Variants in FGD4 observed in about 807,000 individuals in gnomAD.
The protein encoded by FGD4 is FYVE, RhoGEF and PH domain containing 4.
In FGD4, 42 loss-of-function variants were observed where a neutral mutation model predicts 102.0. That is an observed-to-expected ratio of 0.41 (90% CI 0.32 to 0.53). The LOEUF (loss-of-function observed/expected upper bound fraction) is 0.53. Among genes scored for constraint, FGD4 ranks in the 20% least tolerant of loss-of-function variants. The pLI is 0.21. For synonymous variants in FGD4, 380 were observed against 375.7 expected (o/e 1.01, Z -0.13); for missense variants, 902 against 1,078.2 (o/e 0.84, Z 2.29).
In FGD4 at chr12:32,640,662, C is replaced by A; in HGVS notation, c.*129C>A. 8.0e-7 allele frequency: 1 copy of A among 1,255,012 alleles called. No individual in the cohort carries two copies. Among genetic ancestry groups the A allele is most frequent in the Non-Finnish European group, 1.1e-6 (1 of 887,564 alleles). The allele number at this position is 1,255,012 out of a possible 1,614,324, so 77.7% of individuals were successfully genotyped here. On this transcript the variant is annotated 3_prime_UTR_variant, in exon 17 of 17. Coordinates refer to ENST00000534526, the MANE Select transcript of FGD4 (RefSeq NM_001370298.3). ...GGCCCATAAATGCATCTTTTGAGGA[C>A]TATTTTCCTATGTTTATGTACTCTT...
chr12:32,534,389 AGGAGTG>A, intron 1 of FGD4: 1 of 1,491,876 alleles, frequency 6.7e-7, no homozygotes, highest in Non-Finnish European at 8.9e-7. Context: ...CTTTACAGCC[AGGAGTG>A]AGATTTTATC....
chr12:32,560,321 G>T (rs141632595), intron 1 of FGD4, among the ~76,000 whole-genome samples: 1 of 152,026 alleles, frequency 6.6e-6, no homozygotes, highest in African/African-American at 2.4e-5. Context: ...GTGTGATCAC[G>T]GCTCACTGTG....
intron 1 of FGD4, among the ~76,000 whole-genome samples, chr12:32,498,773 T>C (rs1937981287): frequency 6.6e-6 from 1 of 152,154 alleles, no homozygotes; most frequent in South Asian, 2.1e-4. Context: ...CAGCTAATTT[T>C]TGTATTTTTA....
chr12:32,514,915 C>A (rs1052869768), intron 1 of FGD4, among the ~76,000 whole-genome samples: 2 of 152,010 alleles, frequency 1.3e-5, no homozygotes. Context: ...GGGGTTTTCA[C>A]CATGTTGCCC....
rs1565717029 is a variant in FGD4, at chr12:32,399,760, G to GAGGAGTCGGGGAGCGGC, written c.-33_-17dup. 7.2e-6 allele frequency: 11 copies of GAGGAGTCGGGGAGCGGC among 1,526,200 alleles called. No individual in the cohort carries two copies. Among genetic ancestry groups the GAGGAGTCGGGGAGCGGC allele is most frequent in the African/African-American group, 1.4e-5 (1 of 71,264 alleles). 94.5% of individuals were successfully genotyped at this position (1,526,200 alleles called of 1,614,324 possible). On this transcript the variant is annotated 5_prime_UTR_variant, in exon 1 of 17. Coordinates refer to ENST00000534526, the MANE Select transcript of FGD4 (RefSeq NM_001370298.3). ...GCCGCTCGCGGCTGGACGGGAGCGG[G>GAGGAGTCGGGGAGCGGC]AGGAGTCGGGGAGCGGCGGTCGAGC...
chr12:32,480,409 A>G (rs1217835263), intron 1 of FGD4, among the ~76,000 whole-genome samples: 12 of 149,712 alleles, frequency 8.0e-5, no homozygotes, highest in Admixed American at 8.0e-4. Flanking sequence ...TGATCCGCCC[A>G]CTTCGGCCTC....
At chr12:32,565,841 A>G (rs1945145014) in intron 2 of FGD4, among the ~76,000 whole-genome samples, 1 of 152,208 alleles carries the variant, frequency 6.6e-6, no homozygotes. Context: ...TTTTCTAACT[A>G]AAGGGAATAT....
chr12:32,421,258 A>T (rs1215088748), intron 1 of FGD4, among the ~76,000 whole-genome samples: 1 of 152,234 alleles, frequency 6.6e-6, no homozygotes, highest in African/African-American at 2.4e-5. Context: ...AGTGGTACTC[A>T]GCTTTCCTTG....
chr12:32,607,856 T>C (rs1372392352), intron 7 of FGD4, 101 bp from the exon 8 acceptor site: 1 of 1,319,164 alleles, frequency 7.6e-7, no homozygotes, highest in Non-Finnish European at 1.1e-6. Context: ...TCACACTTTG[T>C]CGAAAAATAT....
rs144693221 is a variant in FGD4, at chr12:32,625,729, C to A, written c.2122C>A (p.Pro708Thr). Residue 708 changes from proline to threonine, a missense_variant, in exon 14 of 17, where the codon CCT becomes ACT. Coordinates refer to ENST00000534526, the MANE Select transcript of FGD4 (RefSeq NM_001370298.3). ...GACAATGTGTATGAAATGTAAAGAA[C>A]CTTTCAATGCACTGACACGAAGGAG... The part of the protein sequence containing the change: ...EVTMCMKCKE[P>T]FNALTRRRHH... The A allele has an allele frequency of 4.9e-3, 7,878 of 1,613,710 alleles. 33 individuals carry two copies. Among genetic ancestry groups the A allele is most frequent in the Non-Finnish European group, 6.1e-3 (7,185 of 1,179,970 alleles).
intron 1 of FGD4, among the ~76,000 whole-genome samples, chr12:32,528,634 G>T (rs535507737): frequency 6.6e-6 from 1 of 152,204 alleles, no homozygotes; most frequent in South Asian, 2.1e-4. Flanking sequence ...CAGGCGATCT[G>T]CCTGTCTCAG....
intron 1 of FGD4, chr12:32,534,505 G>A: frequency 1.4e-6 from 2 of 1,470,642 alleles, no homozygotes; most frequent in Non-Finnish European, 1.8e-6. Flanking sequence ...CAAGGTAAGT[G>A]GTTTCATTTT....
intron 1 of FGD4, among the ~76,000 whole-genome samples, chr12:32,472,697 A>G (rs1943449830): frequency 6.6e-6 from 1 of 152,244 alleles, no homozygotes; most frequent in Non-Finnish European, 1.5e-5. Flanking sequence ...CAGGACTGGC[A>G]GGCAGCTCCA....
intron 2 of FGD4, among the ~76,000 whole-genome samples, chr12:32,574,303 G>C (rs1255988042): frequency 1.3e-5 from 2 of 149,816 alleles, no homozygotes; most frequent in Non-Finnish European, 3.0e-5. Flanking sequence ...TTCTAGCTAA[G>C]AATGTTGAAT....
intron 1 of FGD4, among the ~76,000 whole-genome samples, chr12:32,489,314 A>G (rs961302491): frequency 1.6e-4 from 24 of 152,226 alleles, no homozygotes; most frequent in African/African-American, 5.8e-4. Flanking sequence ...CTCTAGTATT[A>G]GAGCTGACAG....
At chr12:32,616,218 A>G (rs1949442920) in intron 10 of FGD4, among the ~76,000 whole-genome samples, 1 of 152,024 alleles carries the variant, frequency 6.6e-6, no homozygotes. Flanking sequence ...CCTCGGCCTA[A>G]TTTTCACTTC....
intron 1 of FGD4, chr12:32,534,398 A>C: frequency 6.7e-7 from 1 of 1,499,178 alleles, no homozygotes; most frequent in Non-Finnish European, 8.8e-7. Flanking sequence ...CAGGAGTGAG[A>C]TTTTATCACA....
At chr12:32,445,585 A>G (rs1464495122) in intron 1 of FGD4, among the ~76,000 whole-genome samples, 1 of 152,210 alleles carries the variant, frequency 6.6e-6, no homozygotes, top group Non-Finnish European at 1.5e-5. Flanking sequence ...TATTTATTGC[A>G]TTTCATCAAT....
intron 14 of FGD4, among the ~76,000 whole-genome samples, 159 bp from the exon 15 acceptor site, chr12:32,633,390 C>G (rs1950603416): frequency 6.6e-6 from 1 of 152,150 alleles, no homozygotes; most frequent in Non-Finnish European, 1.5e-5. Context: ...GTTGAAACAC[C>G]TTGATATGTA....
Sources: gnomAD v4.1 joint callset for allele counts (sites outside exome capture counted in the v4.1 genomes callset) on GRCh38, gnomAD v4.1.1 for gene constraint, MANE v1.5 for transcripts, NCBI Gene and HGNC (gene_info 2026-07-23, HGNC 2026-07-21) for gene names.